The following MEI4 variants were observed in gnomAD, a reference collection of about 807,000 sequenced individuals.
MEI4 encodes meiotic double-stranded break formation protein 4, also known as meiosis-specific protein MEI4.
Under a neutral mutation model 31.4 loss-of-function variants are expected in MEI4, and 27 were observed. The ratio of observed to expected loss-of-function variants is 0.86; its 90% CI spans 0.63 to 1.19. MEI4 has a LOEUF of 1.19. Ranked by LOEUF, MEI4 falls within the 50% of genes most tolerant of loss-of-function variation. MEI4 has a pLI of 0.00. For missense variants in MEI4, 329 were observed against 398.9 expected (o/e 0.82, Z 1.49); for synonymous variants, 122 against 145.4 (o/e 0.84, Z 1.16).
At chr6:77,752,247 T>G (rs1767793527) in intron 2 of MEI4, among the ~76,000 whole-genome samples, 1 of 152,184 alleles carries the variant, frequency 6.6e-6, no homozygotes, top group African/African-American at 2.4e-5. Context: ...CCATTCAAGA[T>G]AGTTTTGGAA....
intron 4 of MEI4, among the ~76,000 whole-genome samples, chr6:77,909,515 T>C (rs917546802): frequency 4.6e-5 from 7 of 152,066 alleles, no homozygotes; most frequent in Admixed American, 2.0e-4. Context: ...CAGGAAGAAG[T>C]TGAATCTCTG....
At chr6:77,752,377 C>G (rs551039184) in intron 2 of MEI4, among the ~76,000 whole-genome samples, 1 of 152,286 alleles carries the variant, frequency 6.6e-6, no homozygotes, top group East Asian at 1.9e-4. Context: ...CCCCCATTGT[C>G]TCAGCTGTCT....
At chr6:77,886,625 G>T (rs1018291758) in intron 4 of MEI4, among the ~76,000 whole-genome samples, 1 of 152,048 alleles carries the variant, frequency 6.6e-6, no homozygotes, top group African/African-American at 2.4e-5. Flanking sequence ...TAGAGATGGG[G>T]TTTCAGTATG....
Position 77,923,372 on chromosome 6 carries a change from T to C in MEI4, c.*26T>C. The C allele has an allele frequency of 2.4e-6, 3 of 1,226,822 alleles. No individual in the cohort carries two copies. In the South Asian group the frequency reaches 1.2e-4, roughly 51 times the overall value. The allele number at this position is 1,226,822 out of a possible 1,614,324, so 76.0% of individuals were successfully genotyped here. A position where few individuals can be genotyped will look rare whatever the true frequency, so the allele number is the denominator to read the frequency against. Reference sequence around the variant, plus strand: ...CTCCATTCCTTAGCAATTTACCACGTTTGAAGCATAATAAAGTAGAATATA... The same window carrying C: ...CTCCATTCCTTAGCAATTTACCACGCTTGAAGCATAATAAAGTAGAATATA... On this transcript the variant is annotated 3_prime_UTR_variant, in exon 5 of 5. Coordinates refer to ENST00000684080, the MANE Select transcript of MEI4 (RefSeq NM_001322247.2).
chr6:77,713,332 A>T (rs1296221041), intron 2 of MEI4, among the ~76,000 whole-genome samples: 1 of 152,200 alleles, frequency 6.6e-6, no homozygotes, highest in Non-Finnish European at 1.5e-5. Flanking sequence ...TCTGATGGTA[A>T]GTTCATTAAT....
intron 3 of MEI4, among the ~76,000 whole-genome samples, chr6:77,827,358 CT>C (rs1237434446): frequency 1.5e-4 from 9 of 60,702 alleles, no homozygotes; most frequent in African/African-American, 5.9e-4. Flanking sequence ...GAGACTCCAT[CT>C]TAAAAAAAAA....
intron 2 of MEI4, among the ~76,000 whole-genome samples, chr6:77,697,477 T>C (rs1248094763): frequency 6.6e-6 from 1 of 152,074 alleles, no homozygotes; most frequent in Non-Finnish European, 1.5e-5. Context: ...TCTTTGTTCT[T>C]ATTGGTTTCA....
intron 1 of MEI4, among the ~76,000 whole-genome samples, chr6:77,678,946 G>GT (rs1249378013): frequency 2.0e-5 from 3 of 146,536 alleles, no homozygotes; most frequent in East Asian, 2.0e-4. Context: ...TGTTTAAGAG[G>GT]TAAAAAAAAA....
chr6:77,796,225 A>G (rs907953086), intron 3 of MEI4, among the ~76,000 whole-genome samples: 3 of 152,196 alleles, frequency 2.0e-5, no homozygotes, highest in African/African-American at 7.2e-5. Context: ...AATGCACTTC[A>G]ACATTATAAA....
At chr6:77,855,590 T>C (rs758257750) in intron 4 of MEI4, among the ~76,000 whole-genome samples, 8 of 152,154 alleles carry the variant, frequency 5.3e-5, no homozygotes, top group Non-Finnish European at 8.8e-5. Context: ...AAAGATTAAA[T>C]TGGGAATAAC....
At chr6:77,827,797 T>C (rs1769990743) in intron 3 of MEI4, among the ~76,000 whole-genome samples, 1 of 152,118 alleles carries the variant, frequency 6.6e-6, no homozygotes, top group African/African-American at 2.4e-5. Flanking sequence ...TAAGGAAGAA[T>C]AGAGATTATT....
chr6:77,748,962 G>A (rs774815362), intron 2 of MEI4, among the ~76,000 whole-genome samples: 18 of 152,088 alleles, frequency 1.2e-4, no homozygotes, highest in Non-Finnish European at 2.4e-4. Flanking sequence ...AGCCTCTGCC[G>A]GTGATACCCA....
At chr6:77,677,596 T>G (rs533987254) in intron 1 of MEI4, among the ~76,000 whole-genome samples, 8 of 152,306 alleles carry the variant, frequency 5.3e-5, no homozygotes, top group African/African-American at 1.7e-4. Flanking sequence ...CAGACAGAAG[T>G]AGGATTATGG....
At chr6:77,794,107 G>A (rs1282538622) in intron 3 of MEI4, among the ~76,000 whole-genome samples, 1 of 152,168 alleles carries the variant, frequency 6.6e-6, no homozygotes, top group African/African-American at 2.4e-5. Context: ...GGGATGGAAA[G>A]CGATATTCCA....
intron 4 of MEI4, among the ~76,000 whole-genome samples, chr6:77,900,245 A>T (rs1287395858): frequency 1.3e-5 from 2 of 152,076 alleles, no homozygotes; most frequent in Non-Finnish European, 2.9e-5. Flanking sequence ...GTGCTTCCAA[A>T]TTTCAAATTA....
intron 4 of MEI4, among the ~76,000 whole-genome samples, chr6:77,867,431 G>T (rs750667594): frequency 3.3e-5 from 5 of 152,134 alleles, no homozygotes; most frequent in African/African-American, 1.2e-4. Flanking sequence ...CTTCTCAAAA[G>T]AAGACATTTA....
chr6:77,830,279 A>T (rs1770046253), intron 4 of MEI4, among the ~76,000 whole-genome samples: 1 of 152,090 alleles, frequency 6.6e-6, no homozygotes, highest in Admixed American at 6.6e-5. Flanking sequence ...GTGAAGTCTT[A>T]GAGTTTAACA....
Position 77,731,625 on chromosome 6 carries a change from T to C in MEI4, c.233-29505T>C, listed in dbSNP as rs1157329910. Among the ~76,000 whole-genome samples, 205 of 151,614 alleles carry C rather than the reference T, an allele frequency of 1.4e-3. 2 individuals are homozygous for C. The highest frequency in any genetic ancestry group is 4.4e-3 in the African/African-American group (180 of 41,254). On this transcript the variant is annotated intron_variant, in intron 2 of 4. Coordinates refer to ENST00000684080, the MANE Select transcript of MEI4 (RefSeq NM_001322247.2). ...TTTCTTTTGCTGTGCAGAAGCTCTT[T>C]AGTTGAATTAGATCCCATTTGTCAA... is the stretch of plus-strand genomic sequence containing the variant.
chr6:77,787,458 C>T (rs1425167365), intron 3 of MEI4, among the ~76,000 whole-genome samples: 1 of 152,140 alleles, frequency 6.6e-6, no homozygotes, highest in Non-Finnish European at 1.5e-5. Flanking sequence ...AGCCTTGGAC[C>T]TCACTGCAGA....
Sources: allele counts gnomAD v4.1 joint callset (sites outside exome capture counted in the v4.1 genomes callset), GRCh38; gene constraint gnomAD v4.1.1; transcripts MANE v1.5; gene names NCBI Gene and HGNC (gene_info 2026-07-23, HGNC 2026-07-21).